The following NFATC1 variants were observed in gnomAD, a reference collection of about 807,000 sequenced individuals.
NFATC1 encodes nuclear factor of activated T-cells, cytoplasmic 1.
In NFATC1, 22 loss-of-function variants were observed where a neutral mutation model predicts 76.0. That is an observed-to-expected ratio of 0.29 (90% CI 0.21 to 0.41). The LOEUF (loss-of-function observed/expected upper bound fraction) is 0.41. NFATC1 is among the 10% of genes least tolerant of loss of function. NFATC1 has a pLI of 1.00. For synonymous variants in NFATC1, 704 were observed against 613.1 expected, an observed-to-expected ratio of 1.15 and a Z score of -2.19; for missense variants, 1,357 against 1,337.7, an observed-to-expected ratio of 1.01 and a Z score of -0.23.
At chr18:79,516,102 A>G (rs1479321434) in intron 9 of NFATC1, 1 of 152,180 alleles carries the variant, frequency 6.6e-6, no homozygotes, top group Non-Finnish European at 1.5e-5. Flanking sequence ...CATTCTGTGC[A>G]ACATTCAGGC....
intron 7 of NFATC1, among the ~76,000 whole-genome samples, chr18:79,463,385 G>A (rs943091287): frequency 1.8e-5 from 2 of 109,486 alleles, no homozygotes; most frequent in Non-Finnish European, 4.0e-5. Context: ...TCCTGGGAAC[G>A]GCCAGCCACA....
chr18:79,441,836 C>G (rs535110354), intron 3 of NFATC1, among the ~76,000 whole-genome samples: 1 of 152,176 alleles, frequency 6.6e-6, no homozygotes, highest in South Asian at 2.1e-4. Context: ...AGATGATTCT[C>G]TCTCCATAGA....
intron 6 of NFATC1, among the ~76,000 whole-genome samples, chr18:79,460,664 G>A (rs551705040): frequency 5.3e-5 from 8 of 152,374 alleles, no homozygotes; most frequent in African/African-American, 1.9e-4. Flanking sequence ...GTCAGAGGAA[G>A]GCTCTTCTCA....
chr18:79,480,543 C>T (rs879335324), intron 8 of NFATC1, among the ~76,000 whole-genome samples: 1 of 152,182 alleles, frequency 6.6e-6, no homozygotes, highest in East Asian at 1.9e-4. Flanking sequence ...CACCACCATC[C>T]TAGGTCAGGA....
intron 9 of NFATC1, among the ~76,000 whole-genome samples, chr18:79,518,087 C>G (rs2090428019): frequency 6.6e-6 from 1 of 152,208 alleles, no homozygotes; most frequent in Non-Finnish European, 1.5e-5. Context: ...TGTGCTGCAC[C>G]CTGGTGCTCA....
chr18:79,469,493 T>C, intron 8 of NFATC1: 6 of 985,456 alleles, frequency 6.1e-6, no homozygotes, highest in Non-Finnish European at 7.2e-6. Context: ...CCGCTCCTGC[T>C]ACCTCCAGTC....
chr18:79,470,770 T>G (rs2088754339), intron 8 of NFATC1: 1 of 152,318 alleles, frequency 6.6e-6, no homozygotes, highest in African/African-American at 2.4e-5. Context: ...TCACGTCTCC[T>G]TTTGAGTCAG....
chr18:79,431,636 TC>T (rs35876229), intron 2 of NFATC1, among the ~76,000 whole-genome samples: 1 of 152,052 alleles, frequency 6.6e-6, no homozygotes, highest in Admixed American at 6.6e-5. Context: ...AGTGATCTGT[TC>T]CCCTTGGCCT....
intron 9 of NFATC1, among the ~76,000 whole-genome samples, chr18:79,522,161 GT>G (rs558325636): frequency 0.036 from 924 of 25,330 alleles, 72 homozygotes; most frequent in African/African-American, 0.12. Context: ...CTGTGTGTGT[GT>G]GGGGGGGTAT....
chr18:79,409,507 G>T (rs991905643), intron 1 of NFATC1, among the ~76,000 whole-genome samples: 10 of 148,276 alleles, frequency 6.7e-5, no homozygotes, highest in Non-Finnish European at 9.0e-5. Context: ...CCATCCATCC[G>T]TTTAGCTGTC....
At chr18:79,475,319 G>A (rs1000830750) in intron 8 of NFATC1, among the ~76,000 whole-genome samples, 20 of 144,600 alleles carry the variant, frequency 1.4e-4, no homozygotes, top group African/African-American at 4.4e-4. Context: ...TGAGGGAAGC[G>A]TGTTCTCACG....
At chr18:79,447,546 G>C (rs369700247) in intron 3 of NFATC1, among the ~76,000 whole-genome samples, 1 of 152,192 alleles carries the variant, frequency 6.6e-6, no homozygotes, top group Non-Finnish European at 1.5e-5. Flanking sequence ...GCGTTGCCAC[G>C]GGCCTTGCAT....
chr18:79,409,286 TTATC>T (rs58832907), intron 1 of NFATC1, among the ~76,000 whole-genome samples: 71,647 of 144,050 alleles, frequency 0.5, 19,690 homozygotes, highest in East Asian at 0.86. Flanking sequence ...CCATCCATCA[TTATC>T]TATCCATCAT....
chr18:79,464,855 C>T (rs1202035668), intron 7 of NFATC1, among the ~76,000 whole-genome samples: 4 of 151,172 alleles, frequency 2.6e-5, no homozygotes, highest in African/African-American at 9.7e-5. Context: ...ACAAGTGTGC[C>T]CTATTCTGCC....
chr18:79,456,633 C>A (rs745934403), intron 6 of NFATC1, among the ~76,000 whole-genome samples: 1 of 152,202 alleles, frequency 6.6e-6, no homozygotes, highest in Non-Finnish European at 1.5e-5. Context: ...GTGGCACTGC[C>A]CCTTTCGGCC....
At chr18:79,518,671 C>G (rs2090442961) in intron 9 of NFATC1, among the ~76,000 whole-genome samples, 1 of 152,258 alleles carries the variant, frequency 6.6e-6, no homozygotes, top group Non-Finnish European at 1.5e-5. Context: ...GCTCCTGCCC[C>G]CGCTACTCAC....
At chr18:79,469,522 C>A in intron 8 of NFATC1, 1 of 985,550 alleles carries the variant, frequency 1.0e-6, no homozygotes, top group East Asian at 1.1e-4. Flanking sequence ...ACCTGGCAGC[C>A]GGCCGTCCTG....
chr18:79,500,791 T>G (rs2089996011), intron 9 of NFATC1, among the ~76,000 whole-genome samples: 1 of 152,016 alleles, frequency 6.6e-6, no homozygotes, highest in Non-Finnish European at 1.5e-5. Flanking sequence ...CTAAACTGAC[T>G]CAGGAAGAAA....
chr18:79,414,439 T>C (rs193225554), intron 2 of NFATC1, among the ~76,000 whole-genome samples: 32 of 152,344 alleles, frequency 2.1e-4, no homozygotes, highest in African/African-American at 7.5e-4. Flanking sequence ...TCTAGGATTG[T>C]TGTCCTTTGA....
Sources: allele counts gnomAD v4.1 joint callset (sites outside exome capture counted in the v4.1 genomes callset), GRCh38; gene constraint gnomAD v4.1.1; transcripts MANE v1.5; gene names NCBI Gene and HGNC (gene_info 2026-07-23, HGNC 2026-07-21).